Variants in CHD9 observed in about 807,000 individuals in gnomAD.
CHD9 encodes chromodomain helicase DNA binding protein 9, also known as ATP-dependent chromatin remodeler CHD9.
In CHD9, 77 loss-of-function variants were observed where a neutral mutation model predicts 316.1. That is an observed-to-expected ratio of 0.24 (90% CI 0.20 to 0.29). The LOEUF (loss-of-function observed/expected upper bound fraction) is 0.29. Ranked by LOEUF, CHD9 falls within the 10% of genes least tolerant of loss-of-function variation. CHD9 has a pLI of 1.00. For missense variants in CHD9, 2,763 were observed against 3,438.1 expected (o/e 0.80, Z 4.91); for synonymous variants, 1,129 against 1,158.3 (o/e 0.97, Z 0.51).
intron 1 of CHD9, among the ~76,000 whole-genome samples, chr16:53,133,904 A>G (rs184425862): frequency 2.6e-5 from 4 of 152,344 alleles, no homozygotes; most frequent in Non-Finnish European, 1.5e-5. Flanking sequence ...ATATGAATAT[A>G]AGAGGCAAGA....
chr16:53,188,602 CTT>C (rs369979479), intron 2 of CHD9, among the ~76,000 whole-genome samples: 11 of 71,242 alleles, frequency 1.5e-4, no homozygotes, highest in African/African-American at 5.1e-4. Flanking sequence ...TGGTCATTAC[CTT>C]TTTTTTTTTT....
rs1402644118 is a variant in CHD9, at chr16:53,248,209, A to C, written c.3665+706A>C. 7 of 151,012 alleles carry C rather than the reference A, an allele frequency of 4.6e-5. No homozygotes were observed. The East Asian group carries it at 1.2e-3, about 25-fold the overall frequency. 9.4% of individuals were successfully genotyped at this position (151,012 alleles called of 1,614,324 possible). A position where few individuals can be genotyped will look rare whatever the true frequency, so the allele number is the denominator to read the frequency against. Reference sequence around the variant, plus strand: ...AAATCAGCCGGGCATGATGGCGGGCACCTGTAGTCCCAGCTATTCGGGAGG... The same window carrying C: ...AAATCAGCCGGGCATGATGGCGGGCCCCTGTAGTCCCAGCTATTCGGGAGG... On this transcript the variant is annotated intron_variant, in intron 16 of 38. Transcript: ENST00000447540.
At chr16:53,056,591 G>T (rs140382679) in intron 1 of CHD9, among the ~76,000 whole-genome samples, 1 of 152,344 alleles carries the variant, frequency 6.6e-6, no homozygotes, top group Non-Finnish European at 1.5e-5. Context: ...AGGTGCAAAA[G>T]AACAATACTC....
rs562241202 is a variant in CHD9 at position 53,182,043 on chromosome 16, C to T, written c.1452+24502C>T. Among the ~76,000 whole-genome samples the T allele has an allele frequency of 6.6e-5, 10 of 152,248 alleles. No individual in the cohort carries two copies. In the East Asian group the frequency reaches 1.7e-3, roughly 26 times the overall value. Reference sequence around the variant, plus strand: ...GCAGTGAGCCGAGAGTGCACCGCTGCACTCCAGCCTGGGCAACAGAGCAAA... The same window carrying T: ...GCAGTGAGCCGAGAGTGCACCGCTGTACTCCAGCCTGGGCAACAGAGCAAA... On this transcript the variant is annotated intron_variant, in intron 2 of 38. Coordinates refer to ENST00000447540, the MANE Select transcript of CHD9 (RefSeq NM_001308319.2).
At chr16:53,197,509 A>G (rs773673925) in intron 2 of CHD9, among the ~76,000 whole-genome samples, 5 of 152,172 alleles carry the variant, frequency 3.3e-5, no homozygotes, top group Admixed American at 6.5e-5. Flanking sequence ...TCAGGACTCT[A>G]TTATGCTGTT....
intron 1 of CHD9, among the ~76,000 whole-genome samples, chr16:53,058,157 G>A (rs1014540302): frequency 5.3e-5 from 8 of 152,106 alleles, no homozygotes; most frequent in Admixed American, 2.6e-4. Flanking sequence ...GTCTCACTCT[G>A]TCTCCCAGGC....
Position 53,324,521 on chromosome 16 carries a change from C to T in CHD9, c.8320C>T (p.Pro2774Ser), listed in dbSNP as rs1338929137. Residue 2774 changes from proline (P) to serine (S), a missense_variant, in exon 39 of 39, where the codon CCT (proline) becomes TCT (serine). By Grantham distance (74) the Pro-to-Ser change is moderately conservative. This residue lies in a region of CHD9 where 298 missense variants were observed against 380.2 expected (regional missense o/e 0.78). Transcript: ENST00000447540. ...TGGAGAAAACTCTGTGTCAAGTTCT[C>T]CTTCCACATCCTCTACTGCTGCATT... ...NGGENSVSSS[P>S]STSSTAALNT... 1.2e-6 allele frequency: 2 copies of T among 1,613,912 alleles called. No homozygotes were observed. The highest frequency in any genetic ancestry group is 1.7e-5 in the Admixed American group (1 of 59,996).
At position 53,287,960 on chromosome 16, in the gene CHD9, T is replaced by C; in HGVS notation, c.5193T>C (p.Asp1731=). 6.2e-7 allele frequency: 1 copy of C among 1,606,198 alleles called. No homozygotes were observed. Among genetic ancestry groups the C allele is most frequent in the Non-Finnish European group, 8.5e-7 (1 of 1,172,808 alleles). Reference sequence around the variant, plus strand: ...GCATTTGTTTGTATTTTAACAGGGATGTGGAAGATCCAGAATACAAACCTG... The same window carrying C: ...GCATTTGTTTGTATTTTAACAGGGACGTGGAAGATCCAGAATACAAACCTG... ...EQRANDYMDG[D]VEDPEYKPAP... is the part of the protein sequence containing the mutation. Residue 1731 remains aspartate, a synonymous_variant, in exon 27 of 39, where the codon GAT becomes GAC. Coordinates refer to ENST00000447540, the MANE Select transcript of CHD9 (RefSeq NM_001308319.2).
At position 53,110,471 on chromosome 16, in the gene CHD9, G is replaced by GCTTT. The variant is rs1172211859; in HGVS notation, c.-164-45453_-164-45450dup. Among the ~76,000 whole-genome samples the GCTTT allele has an allele frequency of 2.6e-5, 4 of 152,220 alleles. No homozygotes were observed. In the East Asian group the frequency reaches 5.8e-4, roughly 22 times the overall value. On this transcript the variant is annotated intron_variant, in intron 1 of 38. Transcript: ENST00000447540. ...AAAATATATTTTAAAAAGTAATGCT[G>GCTTT]CTTTCATGGGCTGGCACCGTAGCTC...
chr16:53,296,272 C>T (rs536111388), intron 29 of CHD9, among the ~76,000 whole-genome samples: 56 of 152,128 alleles, frequency 3.7e-4, no homozygotes, highest in African/African-American at 1.3e-3. Flanking sequence ...TCCTGAAGGG[C>T]AGGATCATCT....
At chr16:53,058,087 A>G (rs572824599) in intron 1 of CHD9, among the ~76,000 whole-genome samples, 7 of 152,266 alleles carry the variant, frequency 4.6e-5, no homozygotes, top group Non-Finnish European at 7.4e-5. Context: ...ATGTATATAT[A>G]TCAACAATAT....
chr16:53,070,621 C>G (rs1009246740), intron 1 of CHD9, among the ~76,000 whole-genome samples: 6 of 151,404 alleles, frequency 4.0e-5, no homozygotes, highest in African/African-American at 1.5e-4. Flanking sequence ...ATGGCGTGAT[C>G]TTGGCTCACT....
At chr16:53,196,971 C>T (rs2044981387) in intron 2 of CHD9, among the ~76,000 whole-genome samples, 1 of 152,148 alleles carries the variant, frequency 6.6e-6, no homozygotes. Context: ...GGTAGGTAGG[C>T]AAGAAAGATG....
At chr16:53,166,962 T>G (rs989694210) in intron 2 of CHD9, among the ~76,000 whole-genome samples, 2 of 152,118 alleles carry the variant, frequency 1.3e-5, no homozygotes, top group Non-Finnish European at 2.9e-5. Context: ...TATCCTCATA[T>G]GCAAAGAATA....
At chr16:53,094,587 C>A (rs996113334) in intron 1 of CHD9, among the ~76,000 whole-genome samples, 1 of 152,074 alleles carries the variant, frequency 6.6e-6, no homozygotes, top group East Asian at 1.9e-4. Flanking sequence ...TCTCAACACC[C>A]TTCCTTATGG....
intron 2 of CHD9, chr16:53,169,077 G>A (rs1286073156): frequency 1.3e-5 from 2 of 152,196 alleles, no homozygotes; most frequent in Non-Finnish European, 2.9e-5. Flanking sequence ...TGGGCGTTGT[G>A]GTGCATGCCT....
intron 15 of CHD9, among the ~76,000 whole-genome samples, chr16:53,246,821 G>T (rs1016436578): frequency 1.3e-5 from 2 of 152,050 alleles, no homozygotes; most frequent in African/African-American, 4.8e-5. Context: ...ACTGCACCTA[G>T]CCTTAATTTT....
chr16:53,317,318 A>G (rs1276691325), intron 36 of CHD9, among the ~76,000 whole-genome samples: 1 of 152,194 alleles, frequency 6.6e-6, no homozygotes, highest in East Asian at 1.9e-4. Context: ...TCAGGCCATG[A>G]TGGGACTGGT....
At chr16:53,272,685 T>G (rs1040907445) in intron 22 of CHD9, among the ~76,000 whole-genome samples, 2 of 152,150 alleles carry the variant, frequency 1.3e-5, no homozygotes, top group Non-Finnish European at 2.9e-5. Context: ...AGGTGCAGGC[T>G]TACATTTATA....
Sources: gnomAD v4.1 joint callset for allele counts (sites outside exome capture counted in the v4.1 genomes callset) on GRCh38, gnomAD v4.1.1 for gene constraint, gnomAD v4.1.1 regional missense constraint, MANE v1.5 for transcripts, NCBI Gene and HGNC (gene_info 2026-07-23, HGNC 2026-07-21) for gene names.